PRMT3: variants seen among roughly 807,000 people sequenced by gnomAD.
PRMT3 encodes protein arginine methyltransferase 3.
Under a neutral mutation model 71.9 loss-of-function variants are expected in PRMT3, and 62 were observed. The ratio of observed to expected loss-of-function variants is 0.86; its 90% CI spans 0.70 to 1.07. The LOEUF (loss-of-function observed/expected upper bound fraction) is 1.07. Ranked by LOEUF, PRMT3 falls within the 50% of genes least tolerant of loss-of-function variation. PRMT3 has a pLI of 0.00. For synonymous variants in PRMT3, 213 were observed against 220.4 expected (o/e 0.97, Z 0.30); for missense variants, 663 against 643.0 (o/e 1.03, Z -0.34).
In PRMT3 at chr11:20,419,957, A is replaced by C. The variant is rs377109422; in HGVS notation, c.894-6809A>C. 8.7e-4 allele frequency among the ~76,000 whole-genome samples: 133 copies of C among 152,326 alleles called. 4 individuals carry two copies. In the South Asian group the frequency reaches 0.026, roughly 30 times the overall value. On this transcript the variant is annotated intron_variant, in intron 9 of 15. Coordinates refer to ENST00000331079, the MANE Select transcript of PRMT3 (RefSeq NM_005788.4). ...GAGGTCAAGGTAGGTGAATTACTTTAGGCCAGGAGTTCGAGACCAGCCTGA... is the reference window on the plus strand; with the variant it reads ...GAGGTCAAGGTAGGTGAATTACTTTCGGCCAGGAGTTCGAGACCAGCCTGA...
intron 6 of PRMT3, among the ~76,000 whole-genome samples, chr11:20,396,649 T>TGG (rs139998536): frequency 1.4e-4 from 21 of 151,588 alleles, no homozygotes; most frequent in African/African-American, 5.1e-4. Context: ...GTGGGGTCGG[T>TGG]GGGGGGGAAT....
At chr11:20,483,003 T>C (rs60601528) in intron 13 of PRMT3, among the ~76,000 whole-genome samples, 6,229 of 152,130 alleles carry the variant, frequency 0.041, 386 homozygotes, top group African/African-American at 0.14. Context: ...CTTTCTACCT[T>C]ACTTTTCAAA....
intron 8 of PRMT3, among the ~76,000 whole-genome samples, chr11:20,404,433 C>T (rs1849028584): frequency 6.6e-6 from 1 of 151,786 alleles, no homozygotes; most frequent in South Asian, 2.1e-4. Context: ...GGGGTTTCAC[C>T]ATGTTGGTCA....
intron 10 of PRMT3, among the ~76,000 whole-genome samples, chr11:20,433,733 A>G (rs1431948717): frequency 2.0e-5 from 3 of 151,668 alleles, no homozygotes; most frequent in Non-Finnish European, 4.4e-5. Flanking sequence ...CAATTCTCCA[A>G]CCTCGGCCTC....
chr11:20,426,897 G>A, intron 10 of PRMT3, 32 bp downstream of exon 10: 1 of 1,495,312 alleles, frequency 6.7e-7, no homozygotes, highest in Non-Finnish European at 8.8e-7. Flanking sequence ...TACTTTCACT[G>A]GTAAAATGAA....
At position 20,392,200 on chromosome 11, in the gene PRMT3, T is replaced by TC; in HGVS notation, c.248-6dup. The stretch of plus-strand genomic sequence containing the variant: ...TGTTAACATAGGTGAATTATCTTTT[T>TC]CCCCCTTTAGGACTTGAATTTTATG... On this transcript the variant is annotated splice_polypyrimidine_tract_variant and intron_variant, in intron 3 of 15. Coordinates refer to ENST00000331079, the MANE Select transcript of PRMT3 (RefSeq NM_005788.4). 1 of 1,572,840 alleles carries TC rather than the reference T, an allele frequency of 6.4e-7. No homozygotes were observed. The highest frequency in any genetic ancestry group is 8.7e-7 in the Non-Finnish European group (1 of 1,151,880).
chr11:20,464,427 T>C (rs559971086), intron 12 of PRMT3, 33 bp from the exon 13 acceptor site: 3 of 1,527,718 alleles, frequency 2.0e-6, no homozygotes, highest in Non-Finnish European at 2.6e-6. Context: ...CTATTTTTAC[T>C]AAGCTCTTTC....
At chr11:20,492,706 T>G (rs1308333675) in intron 13 of PRMT3, among the ~76,000 whole-genome samples, 2 of 152,232 alleles carry the variant, frequency 1.3e-5, no homozygotes, top group Non-Finnish European at 2.9e-5. Flanking sequence ...GAATGGTATT[T>G]AAATTTAACC....
At position 20,399,405 on chromosome 11, in the gene PRMT3, C is replaced by T. The variant is rs116290933; in HGVS notation, c.705+1684C>T. Among the ~76,000 whole-genome samples the T allele has an allele frequency of 9.8e-3, 1,488 of 151,996 alleles. 29 individuals carry two copies. Among genetic ancestry groups the T allele is most frequent in the African/African-American group, 0.035 (1,432 of 41,472 alleles). ...GTCATGGTTGTGCTTTTTGTTGTCA[C>T]GTAGGTAATGGCATAACATTATAAA... On this transcript the variant is annotated intron_variant, in intron 7 of 15. Coordinates refer to ENST00000331079, the MANE Select transcript of PRMT3 (RefSeq NM_005788.4).
At position 20,426,875 on chromosome 11, in the gene PRMT3, T is replaced by G. The variant is rs371653954; in HGVS notation, c.993+10T>G. On this transcript the variant is annotated intron_variant, in intron 10 of 15. Transcript: ENST00000331079. Reference sequence around the variant, plus strand: ...CATATCTGAGTGGATGGTGAGTGTTTATAGAAAAAACTACTTTCACTGGTA... The same window carrying G: ...CATATCTGAGTGGATGGTGAGTGTTGATAGAAAAAACTACTTTCACTGGTA... 7.2e-6 allele frequency: 11 copies of G among 1,519,556 alleles called. No homozygotes were observed. The highest frequency in any genetic ancestry group is 1.5e-5 in the African/African-American group (1 of 68,652). The allele number at this position is 1,519,556 out of a possible 1,614,324, so 94.1% of individuals were successfully genotyped here. A position where few individuals can be genotyped will look rare whatever the true frequency, so the allele number is the denominator to read the frequency against.
chr11:20,504,707 T>TGTGGGAGAGAGAGAGA (rs1332372470), intron 15 of PRMT3, among the ~76,000 whole-genome samples: 1 of 133,590 alleles, frequency 7.5e-6, no homozygotes, highest in African/African-American at 3.0e-5. Context: ...TGTGTGTGTG[T>TGTGGGAGAGAGAGAGA]GAGAGAGAGA....
At chr11:20,393,069 AG>A in intron 5 of PRMT3, 70 bp downstream of exon 5, 2 of 961,560 alleles carry the variant, frequency 2.1e-6, no homozygotes, top group Non-Finnish European at 3.3e-6. Context: ...ATGGAGGTAG[AG>A]TGTTTTAGGA....
At chr11:20,435,485 A>G (rs1448351541) in intron 10 of PRMT3, among the ~76,000 whole-genome samples, 2 of 152,192 alleles carry the variant, frequency 1.3e-5, no homozygotes, top group African/African-American at 4.8e-5. Flanking sequence ...TACCGCGCTC[A>G]GACCATTTTT....
At chr11:20,457,421 A>C (rs1590078363) in intron 11 of PRMT3, among the ~76,000 whole-genome samples, 1 of 152,182 alleles carries the variant, frequency 6.6e-6, no homozygotes, top group East Asian at 1.9e-4. Context: ...TCAGCTGACT[A>C]GTTATCTGGT....
intron 13 of PRMT3, among the ~76,000 whole-genome samples, chr11:20,468,528 C>G (rs1418355945): frequency 6.6e-6 from 1 of 152,062 alleles, no homozygotes; most frequent in African/African-American, 2.4e-5. Flanking sequence ...GCCACCACAG[C>G]CGGCTAATTT....
chr11:20,504,921 C>T (rs540617587), intron 15 of PRMT3, among the ~76,000 whole-genome samples: 22 of 152,196 alleles, frequency 1.4e-4, no homozygotes, highest in African/African-American at 5.3e-4. Context: ...TTAGTAGAGA[C>T]AGAGTTTTGC....
rs1017595278 is a variant in PRMT3 at position 20,389,603 on chromosome 11, A to G, written c.165-141A>G. The G allele has an allele frequency of 1.1e-4, 58 of 535,564 alleles. No individual in the cohort carries two copies. The South Asian group carries it at 1.7e-3, about 16-fold the overall frequency. The allele number at this position is 535,564 out of a possible 1,614,324, so 33.2% of individuals were successfully genotyped here. A position where few individuals can be genotyped will look rare whatever the true frequency, so the allele number is the denominator to read the frequency against. On this transcript the variant is annotated intron_variant, in intron 2 of 15. Transcript: ENST00000331079. ...CTGGATTCCCTTCCTTTCAGATACA[A>G]GTGTGTTTGTTTTTTCTTAATTGGA...
intron 15 of PRMT3, among the ~76,000 whole-genome samples, chr11:20,502,885 G>A (rs1851491429): frequency 6.6e-6 from 1 of 152,120 alleles, no homozygotes; most frequent in South Asian, 2.1e-4. Context: ...TTAGATGGTA[G>A]TTAAATAAAT....
At chr11:20,498,663 G>T (rs1851389359) in intron 15 of PRMT3, among the ~76,000 whole-genome samples, 1 of 152,172 alleles carries the variant, frequency 6.6e-6, no homozygotes. Context: ...CCAGGAGGCA[G>T]AGGTTGCAGT....
Sources: gnomAD v4.1 joint callset for allele counts (sites outside exome capture counted in the v4.1 genomes callset) on GRCh38, gnomAD v4.1.1 for gene constraint, MANE v1.5 for transcripts, NCBI Gene and HGNC (gene_info 2026-07-23, HGNC 2026-07-21) for gene names.